The following MPRIP variants were observed in gnomAD, a reference collection of about 807,000 sequenced individuals.
MPRIP encodes myosin phosphatase Rho-interacting protein.
Under a neutral mutation model 234.9 loss-of-function variants are expected in MPRIP, and 59 were observed. The observed-to-expected ratio is 0.25, with a 90% CI of 0.20 to 0.31. The LOEUF is 0.31. MPRIP is among the 10% of genes least tolerant of loss of function. The pLI, the probability that MPRIP is intolerant of heterozygous loss-of-function variation, is 1.00. For missense variants in MPRIP, 2,436 were observed against 3,071.0 expected (o/e 0.79, Z 4.89); for synonymous variants, 1,144 against 1,263.9 (o/e 0.91, Z 2.01).
chr17:17,136,604 G>C (rs895793986), intron 6 of MPRIP, among the ~76,000 whole-genome samples, 154 bp downstream of exon 6: 2 of 152,246 alleles, frequency 1.3e-5, no homozygotes, highest in African/African-American at 2.4e-5. Context: ...CACCTGGCCT[G>C]GTATGTTCTG....
At chr17:17,060,116 G>A (rs1414331628) in intron 1 of MPRIP, among the ~76,000 whole-genome samples, 1 of 152,138 alleles carries the variant, frequency 6.6e-6, no homozygotes, top group Admixed American at 6.5e-5. Context: ...GACCTCCTGC[G>A]CAGATGGCCA....
At chr17:17,096,667 T>TCCGGCTGCCTTGAGCAATA in intron 3 of MPRIP, 1 of 442,792 alleles carries the variant, frequency 2.3e-6, no homozygotes, top group Non-Finnish European at 4.7e-6. Flanking sequence ...CAGCTGATAC[T>TCCGGCTGCCTTGAGCAATA]CCGGCTGCCT....
At position 17,147,337 on chromosome 17, in the gene MPRIP, G is replaced by T. The variant is rs1308321334; in HGVS notation, c.1579G>T (p.Val527Phe). 3 of 1,613,938 alleles carry T rather than the reference G, an allele frequency of 1.9e-6. No homozygotes were observed. The highest frequency in any genetic ancestry group is 1.3e-5 in the African/African-American group (1 of 74,914). The change falls in exon 11 of 24, where the codon GTC (valine) becomes TTC (phenylalanine). Residue 527 changes from valine to phenylalanine, a missense_variant. By Grantham distance (50) the Val-to-Phe change is conservative (BLOSUM62 -1). This residue lies in a region of MPRIP where 1,998 missense variants were observed against 2,520.3 expected (regional missense o/e 0.79). Coordinates refer to ENST00000651222, the MANE Select transcript of MPRIP (RefSeq NM_001364716.4). Reference protein sequence around the residue: ...EDGQWKKHWFVLADQSLRYYR... With the variant: ...EDGQWKKHWFFLADQSLRYYR... ...CCTTTAGTGGAAGAAACACTGGTTT[G>T]TCCTCGCCGATCAAAGCCTGAGATA...
chr17:17,140,403 C>G (rs964664843), intron 7 of MPRIP, among the ~76,000 whole-genome samples: 2 of 152,182 alleles, frequency 1.3e-5, no homozygotes, highest in Non-Finnish European at 2.9e-5. Flanking sequence ...CCCACCAGTT[C>G]TGCATACTAA....
intron 4 of MPRIP, among the ~76,000 whole-genome samples, chr17:17,130,249 C>A (rs967150925): frequency 6.6e-6 from 1 of 152,152 alleles, no homozygotes; most frequent in Non-Finnish European, 1.5e-5. Flanking sequence ...CCTCTGCCGC[C>A]ACCACCTGTC....
intron 15 of MPRIP, among the ~76,000 whole-genome samples, chr17:17,162,208 T>C (rs1333937041): frequency 6.6e-6 from 1 of 152,252 alleles, no homozygotes; most frequent in Non-Finnish European, 1.5e-5. Flanking sequence ...GCCCTGCTAC[T>C]GACCCCCAAA....
chr17:17,090,133 A>T (rs544308992), intron 3 of MPRIP, among the ~76,000 whole-genome samples: 1 of 152,186 alleles, frequency 6.6e-6, no homozygotes, highest in East Asian at 1.9e-4. Context: ...GCAGACAGGC[A>T]TGGTGTTGCA....
rs1047004011 is a variant in MPRIP at position 17,057,609 on chromosome 17, A to G, written c.123+14638A>G. 4.2e-6 allele frequency: 3 copies of G among 717,960 alleles called. No individual in the cohort carries two copies. The African/African-American group carries it at 5.2e-5, about 13-fold the overall frequency. 44.5% of individuals were successfully genotyped at this position (717,960 alleles called of 1,614,324 possible). ...TGCTACGCTGTTCATCACTGTTACC[A>G]GTTTTCAACCTTTATTTCTTTGGCA... is the stretch of plus-strand genomic sequence containing the variant. On this transcript the variant is annotated intron_variant, in intron 1 of 23. Coordinates refer to ENST00000651222, the MANE Select transcript of MPRIP (RefSeq NM_001364716.4).
chr17:17,142,885 A>G (rs2045361221), intron 8 of MPRIP, 120 bp downstream of exon 8: 4 of 1,139,380 alleles, frequency 3.5e-6, no homozygotes, highest in Non-Finnish European at 4.9e-6. Context: ...CTTCTCTCCA[A>G]CCACCTCCTC....
intron 16 of MPRIP, chr17:17,169,125 A>G (rs1402802856): frequency 2.5e-6 from 1 of 405,114 alleles, no homozygotes; most frequent in East Asian, 7.2e-5. Context: ...AAAAACCATT[A>G]TGAGTTGTGA....
rs2046475308 is a variant in MPRIP at position 17,186,370 on chromosome 17, A to AGC, written c.*1477_*1478dup. On this transcript the variant is annotated 3_prime_UTR_variant, in exon 24 of 24. Transcript: ENST00000651222. ...GCCCCCAATGTGCAGAAGGGCCGGG[A>AGC]GCAAGGCCTGGAGTTTTCATGTGTT... is the stretch of plus-strand genomic sequence containing the variant. The AGC allele has an allele frequency of 6.6e-6, 1 of 152,160 alleles. No homozygotes were observed. The highest frequency in any genetic ancestry group is 2.4e-5 in the African/African-American group (1 of 41,426). 9.4% of individuals were successfully genotyped at this position (152,160 alleles called of 1,614,324 possible).
rs1163642350 is a variant in MPRIP, at chr17:17,167,089, A to G, written c.5498A>G (p.Gln1833Arg). 1 of 1,304,212 alleles carries G rather than the reference A, an allele frequency of 7.7e-7. No individual in the cohort carries two copies. Among genetic ancestry groups the G allele is most frequent in the Non-Finnish European group, 1.0e-6 (1 of 988,974 alleles). The allele number at this position is 1,304,212 out of a possible 1,614,324, so 80.8% of individuals were successfully genotyped here. ...AACACTTGTTTGGGAGGCCTCGGTC[A>G]GTATTCTTCATTGTTGGTTCAGGAT... ...SYNTCLGGLG[Q>R]YSSLLVQDAI... The change falls in exon 16 of 24, where the codon CAG becomes CGG. Residue 1833 changes from glutamine (Q) to arginine (R), a missense_variant. Physicochemically the swap from Gln to Arg is conservative, Grantham distance 43 (BLOSUM62 1). Coordinates refer to ENST00000651222, the MANE Select transcript of MPRIP (RefSeq NM_001364716.4). This position sits in a 1 kb window ranked among gnomAD's most constrained non-coding sequence, Gnocchi z 5.9.
chr17:17,172,659 C>A, intron 17 of MPRIP, 39 bp from the exon 18 acceptor site: 1 of 1,535,012 alleles, frequency 6.5e-7, no homozygotes, highest in Non-Finnish European at 9.0e-7. Flanking sequence ...GCAGGAAGGG[C>A]GTGGTCCCTC....
rs1350646434 is a variant in MPRIP, at chr17:17,189,380, G to C, written c.*4486G>C. 1.3e-5 allele frequency: 2 copies of C among 151,808 alleles called. 1 individual carries two copies. The highest frequency in any genetic ancestry group is 3.9e-4 in the East Asian group (2 of 5,172). 9.4% of individuals were successfully genotyped at this position (151,808 alleles called of 1,614,324 possible). On this transcript the variant is annotated 3_prime_UTR_variant, in exon 24 of 24. Coordinates refer to ENST00000651222, the MANE Select transcript of MPRIP (RefSeq NM_001364716.4). ...ATTTTTTTGTATTTTTAGTAGAGAC[G>C]GGGTTTCACCATGTTGGTCAGGATG... is the stretch of plus-strand genomic sequence containing the variant.
chr17:17,164,469 A>G lies in MPRIP; in HGVS notation c.2878A>G (p.Lys960Glu). ...GCTGAGGGCTAGCGAGCAGAAGCTCAAGAGTGCTGAGGCCCTGCTGCTGGA... is the reference window on the plus strand; with the variant it reads ...GCTGAGGGCTAGCGAGCAGAAGCTCGAGAGTGCTGAGGCCCTGCTGCTGGA... ...SQLRASEQKL[K>E]SAEALLLEKT... Residue 960 changes from lysine to glutamate, a missense_variant, in exon 16 of 24, where the codon AAG becomes GAG. Physicochemically the swap from Lys to Glu is moderately conservative, Grantham distance 56 (BLOSUM62 1). Coordinates refer to ENST00000651222, the MANE Select transcript of MPRIP (RefSeq NM_001364716.4). 1 of 1,231,250 alleles carries G rather than the reference A, an allele frequency of 8.1e-7. No individual in the cohort carries two copies. Among genetic ancestry groups the G allele is most frequent in the Non-Finnish European group, 1.0e-6 (1 of 959,148 alleles). 76.3% of individuals were successfully genotyped at this position (1,231,250 alleles called of 1,614,324 possible). A position where few individuals can be genotyped will look rare whatever the true frequency, so the allele number is the denominator to read the frequency against.
In MPRIP at chr17:17,042,503, C is replaced by T. The variant is rs1382530864; in HGVS notation, c.-346C>T. On this transcript the variant is annotated 5_prime_UTR_variant, in exon 1 of 24. Transcript: ENST00000651222. ...TCCCATTTGCAGCGGCCGCGGGGCG[C>T]CGAGGGCAGCTGCGGCGGCGCGGAC... 2 of 146,340 alleles carry T rather than the reference C, an allele frequency of 1.4e-5. No homozygotes were observed. The highest frequency in any genetic ancestry group is 1.4e-4 in the Admixed American group (2 of 14,662). The allele number at this position is 146,340 out of a possible 1,614,324, so 9.1% of individuals were successfully genotyped here.
chr17:17,113,885 C>T (rs2349647), intron 3 of MPRIP, among the ~76,000 whole-genome samples: 75,185 of 98,460 alleles, frequency 0.76, 28,838 homozygotes, highest in East Asian at 0.86. Flanking sequence ...CTTTTCTTTT[C>T]TTTTTTTTTT....
chr17:17,121,989 A>C (rs1014951246), intron 3 of MPRIP, among the ~76,000 whole-genome samples: 20 of 152,202 alleles, frequency 1.3e-4, no homozygotes, highest in African/African-American at 4.8e-4. Context: ...AAAGGGTATT[A>C]TCTCATTCTT....
At position 17,125,445 on chromosome 17, in the gene MPRIP, G is replaced by T. The variant is rs139513931; in HGVS notation, c.268-1257G>T. On this transcript the variant is annotated intron_variant, in intron 3 of 23. Coordinates refer to ENST00000651222, the MANE Select transcript of MPRIP (RefSeq NM_001364716.4). ...GAGAAAAGAGCCAGCAGCCATGTAG[G>T]CAAGGGCTCTGCAAAGCCAGCAGCC... is the stretch of plus-strand genomic sequence containing the variant. Among the ~76,000 whole-genome samples, 255 of 152,322 alleles carry T rather than the reference G, an allele frequency of 1.7e-3. 1 individual carries two copies. Among genetic ancestry groups the T allele is most frequent in the Middle Eastern group, 6.8e-3 (2 of 294 alleles).
Sources: gnomAD v4.1 joint callset for allele counts (sites outside exome capture counted in the v4.1 genomes callset) on GRCh38, gnomAD v4.1.1 for gene constraint, gnomAD v4.1.1 regional missense constraint, Gnocchi (gnomAD v3.1) non-coding constraint, MANE v1.5 for transcripts, NCBI Gene and HGNC (gene_info 2026-07-23, HGNC 2026-07-21) for gene names.